The following EIF4E3 variants were observed in gnomAD, a reference collection of about 807,000 sequenced individuals.
EIF4E3 encodes the protein eukaryotic translation initiation factor 4E family member 3, also known as eukaryotic translation initiation factor 4E type 3.
Under a neutral mutation model 31.7 loss-of-function variants are expected in EIF4E3, and 26 were observed. That is an observed-to-expected ratio of 0.82 (90% confidence interval 0.60 to 1.14). EIF4E3 has a LOEUF of 1.14. Among genes scored for constraint, EIF4E3 ranks in the 50% most tolerant of loss-of-function variants. EIF4E3 has a pLI of 0.00. For missense variants in EIF4E3, 304 were observed against 270.9 expected (o/e 1.12, Z -0.86); for synonymous variants, 128 against 107.7 (o/e 1.19, Z -1.17).
exon 1 of EIF4E3, chr3:71,753,584 G>A (rs1182036655): frequency 4.0e-5 from 6 of 149,632 alleles, no homozygotes; most frequent in African/African-American, 1.5e-4. Flanking sequence ...GGCGGTGCGG[G>A]ATGCCTCGGC....
chr3:71,725,676 G>C (rs1351989550), upstream of EIF4E3, among the ~76,000 whole-genome samples: 1 of 151,848 alleles, frequency 6.6e-6, no homozygotes, highest in Non-Finnish European at 1.5e-5. The surrounding 1 kb of genome is among the most constrained non-coding windows in gnomAD (Gnocchi z 6.1). Context: ...GGCCGGGGAC[G>C]GGCTAGAGGG....
At chr3:71,729,974 G>A (rs561661107), upstream of EIF4E3, among the ~76,000 whole-genome samples, 12 of 150,666 alleles carry the variant, frequency 8.0e-5, no homozygotes, top group African/African-American at 2.9e-4. Context: ...TGTCTTTTAT[G>A]TGGGAACTCC....
At chr3:71,709,296 G>C (rs2049341189) in intron 2 of EIF4E3, among the ~76,000 whole-genome samples, 1 of 152,182 alleles carries the variant, frequency 6.6e-6, no homozygotes, top group Admixed American at 6.5e-5. Context: ...TTCTCTACCT[G>C]CACCAGCCCG....
upstream of EIF4E3, chr3:71,729,130 C>T (rs1325341298): frequency 1.3e-5 from 2 of 152,250 alleles, no homozygotes; most frequent in Non-Finnish European, 2.9e-5. Context: ...CAACTTTCAT[C>T]ATCACCATGG....
intron 1 of EIF4E3, among the ~76,000 whole-genome samples, chr3:71,746,512 C>T (rs1239722650): frequency 6.6e-6 from 1 of 152,144 alleles, no homozygotes; most frequent in African/African-American, 2.4e-5. Flanking sequence ...TTTCTGTGGC[C>T]AGCCTCAGGT....
At chr3:71,751,147 G>A (rs1447491135) in intron 1 of EIF4E3, among the ~76,000 whole-genome samples, 2 of 152,052 alleles carry the variant, frequency 1.3e-5, no homozygotes, top group African/African-American at 2.4e-5. Flanking sequence ...ATAGGAGGAC[G>A]GCCTGAGCCT....
downstream of EIF4E3, among the ~76,000 whole-genome samples, chr3:71,671,271 G>A (rs1046400465): frequency 4.6e-5 from 7 of 152,050 alleles, no homozygotes; most frequent in African/African-American, 1.2e-4. Context: ...GGGGAGGAGG[G>A]GGCCTTGGCT....
intron 1 of EIF4E3, among the ~76,000 whole-genome samples, chr3:71,752,695 T>A (rs1454125671): frequency 6.6e-6 from 1 of 152,180 alleles, no homozygotes; most frequent in African/African-American, 2.4e-5. Context: ...TAGAAGAGCA[T>A]GATTTTTAAA....
intron 1 of EIF4E3, among the ~76,000 whole-genome samples, chr3:71,723,722 T>G (rs972535734): frequency 5.3e-5 from 8 of 152,190 alleles, no homozygotes; most frequent in African/African-American, 1.9e-4. Flanking sequence ...CAGGTAACAA[T>G]AGCACAGTTG....
chr3:71,754,144 G>C, upstream of EIF4E3: 3 of 1,458,138 alleles, frequency 2.1e-6, no homozygotes, highest in Non-Finnish European at 2.7e-6. This position sits in a 1 kb window ranked among gnomAD's most constrained non-coding sequence, Gnocchi z 5.8. Flanking sequence ...CTGTGCGTGA[G>C]CCTAGCGGGC....
intron 1 of EIF4E3, among the ~76,000 whole-genome samples, chr3:71,749,685 A>C (rs1418698698): frequency 6.6e-6 from 1 of 152,086 alleles, no homozygotes; most frequent in African/African-American, 2.4e-5. Context: ...AAGTGACATA[A>C]ATGATTTGGG....
chr3:71,723,743 A>G (rs1334280520), intron 1 of EIF4E3, among the ~76,000 whole-genome samples: 1 of 152,232 alleles, frequency 6.6e-6, no homozygotes, highest in Non-Finnish European at 1.5e-5. Flanking sequence ...CAGCACACCT[A>G]TGAAAACAGA....
At chr3:71,753,939 G>A (rs1021688411), upstream of EIF4E3, 2 of 1,012,966 alleles carry the variant, frequency 2.0e-6, no homozygotes, top group Non-Finnish European at 2.4e-6. Flanking sequence ...CCCGCAGGAC[G>A]GGGAGCTCGC....
At position 71,682,825 on chromosome 3, in the gene EIF4E3, A is replaced by T. The variant is rs1226532219; in HGVS notation, c.*1857T>A. 6.5e-6 allele frequency: 1 copy of T among 152,676 alleles called. No homozygotes were observed. The highest frequency in any genetic ancestry group is 1.5e-5 in the Non-Finnish European group (1 of 68,038). 9.5% of individuals were successfully genotyped at this position (152,676 alleles called of 1,614,324 possible). ...TGCTTTAAATAAAGTTCAAAAAATA[A>T]AAATACTTCAAAATCCATTTACTTA... On this transcript the variant is annotated 3_prime_UTR_variant, in exon 7 of 7. Coordinates refer to ENST00000425534, the MANE Select transcript of EIF4E3 (RefSeq NM_001134651.2).
At chr3:71,670,309 C>A in the EIF4E3 span, among the ~76,000 whole-genome samples, 2 of 152,154 alleles carry the variant, frequency 1.3e-5, no homozygotes, top group Non-Finnish European at 2.9e-5. Flanking sequence ...ATCTGTTGTA[C>A]CACTTGAGAT....
In EIF4E3 at chr3:71,699,796, A is replaced by C; in HGVS notation, c.250-88T>G. The C allele has an allele frequency of 2.8e-6, 3 of 1,083,764 alleles. No individual in the cohort carries two copies. The South Asian group carries it at 4.2e-5, about 15-fold the overall frequency. 67.1% of individuals were successfully genotyped at this position (1,083,764 alleles called of 1,614,324 possible). A position where few individuals can be genotyped will look rare whatever the true frequency, so the allele number is the denominator to read the frequency against. On this transcript the variant is annotated intron_variant, in intron 2 of 6. Coordinates refer to ENST00000425534, the MANE Select transcript of EIF4E3 (RefSeq NM_001134651.2). ...TTATCAAATTAATGCATTAAAGAAAAATTTTGATTCTCATTGTTTTATCCA... is the reference window on the plus strand; with the variant it reads ...TTATCAAATTAATGCATTAAAGAAACATTTTGATTCTCATTGTTTTATCCA...
intron 6 of EIF4E3, among the ~76,000 whole-genome samples, chr3:71,686,989 A>AATT (rs1287582197): frequency 2.0e-5 from 3 of 152,062 alleles, no homozygotes; most frequent in Non-Finnish European, 4.4e-5. Flanking sequence ...TCTCTGTCCC[A>AATT]ATTATTATTA....
At chr3:71,753,905 G>T, upstream of EIF4E3, 5 of 950,874 alleles carry the variant, frequency 5.3e-6, no homozygotes, top group Non-Finnish European at 6.3e-6. Flanking sequence ...AGCCCAGGAG[G>T]GGCCGGCCGG....
rs2048959216 is a variant in EIF4E3 at position 71,684,193 on chromosome 3, C to T, written c.*489G>A. 1 of 153,074 alleles carries T rather than the reference C, an allele frequency of 6.5e-6. No individual in the cohort carries two copies. The highest frequency in any genetic ancestry group is 2.4e-5 in the African/African-American group (1 of 41,434). The allele number at this position is 153,074 out of a possible 1,614,324, so 9.5% of individuals were successfully genotyped here. ...CACAGTACATAGGAATGTGTCACAA[C>T]AAATAATCAGAAGACAGATTTCTCC... On this transcript the variant is annotated 3_prime_UTR_variant, in exon 7 of 7. Transcript: ENST00000425534.
Sources: allele counts gnomAD v4.1 joint callset (sites outside exome capture counted in the v4.1 genomes callset), GRCh38; gene constraint gnomAD v4.1.1; non-coding constraint Gnocchi (gnomAD v3.1); transcripts MANE v1.5; gene names NCBI Gene and HGNC (gene_info 2026-07-23, HGNC 2026-07-21).